The following HSPA12A variants were observed in gnomAD, a reference collection of about 807,000 sequenced individuals.
HSPA12A encodes heat shock 70 kDa protein 12A.
HSPA12A carries 28 observed loss-of-function variants against 69.2 expected under a neutral mutation model. The observed-to-expected ratio is 0.40, with a 90% CI of 0.30 to 0.55. HSPA12A has a LOEUF of 0.55. Ranked by LOEUF, HSPA12A falls within the 20% of genes least tolerant of loss-of-function variation. The pLI is 0.38. For missense variants in HSPA12A, 686 were observed against 900.7 expected, an observed-to-expected ratio of 0.76 and a Z score of 3.05; for synonymous variants, 345 against 370.5, an observed-to-expected ratio of 0.93 and a Z score of 0.79.
At chr10:116,822,408 T>A (rs754197557) in intron 2 of HSPA12A, among the ~76,000 whole-genome samples, 1 of 152,174 alleles carries the variant, frequency 6.6e-6, no homozygotes, top group South Asian at 2.1e-4. Context: ...CTTATGAACA[T>A]ACAGAAAGCA....
intron 2 of HSPA12A, among the ~76,000 whole-genome samples, chr10:116,774,052 C>T (rs1844275528): frequency 6.6e-6 from 1 of 151,842 alleles, no homozygotes; most frequent in Non-Finnish European, 1.5e-5. Flanking sequence ...CTCTGTCCCC[C>T]AGGCTGGAGT....
chr10:116,798,381 C>G (rs934806803), intron 2 of HSPA12A, among the ~76,000 whole-genome samples: 3 of 152,260 alleles, frequency 2.0e-5, no homozygotes, highest in Middle Eastern at 3.4e-3. Flanking sequence ...GACAAGTTGG[C>G]CCCCCTGCTG....
chr10:116,816,813 G>A (rs1169268930), intron 2 of HSPA12A, among the ~76,000 whole-genome samples: 2 of 152,168 alleles, frequency 1.3e-5, no homozygotes, highest in Non-Finnish European at 2.9e-5. Context: ...TTTAAAAGAT[G>A]ACTTTTTATG....
chr10:116,694,139 G>A (rs1412508065), intron 5 of HSPA12A, among the ~76,000 whole-genome samples: 4 of 152,154 alleles, frequency 2.6e-5, no homozygotes, highest in African/African-American at 7.2e-5. Context: ...GTTCCCCAGC[G>A]GGTAGGGAAC....
intron 3 of HSPA12A, among the ~76,000 whole-genome samples, chr10:116,702,012 G>T (rs1234398890): frequency 6.6e-6 from 1 of 152,158 alleles, no homozygotes; most frequent in Non-Finnish European, 1.5e-5. Flanking sequence ...CATAGAAACA[G>T]ATCTCAGCAC....
intron 1 of HSPA12A, among the ~76,000 whole-genome samples, chr10:116,725,858 G>C (rs1554884913): frequency 6.6e-6 from 1 of 151,758 alleles, no homozygotes. Flanking sequence ...TAATATTTTT[G>C]GGAGGAAATC....
chr10:116,753,376 T>C (rs896857482), intron 2 of HSPA12A, among the ~76,000 whole-genome samples: 4 of 152,210 alleles, frequency 2.6e-5, no homozygotes, highest in Admixed American at 6.5e-5. Flanking sequence ...CAGTTATCAC[T>C]ATGATCAGTG....
At chr10:116,707,153 G>GCACACACACACA (rs59728190) in intron 2 of HSPA12A, 47 bp downstream of exon 2, 8 of 583,486 alleles carry the variant, frequency 1.4e-5, no homozygotes, top group African/African-American at 2.5e-5. Flanking sequence ...ACCCATGCGC[G>GCACACACACACA]CACACACACA....
chr10:116,727,302 G>A (rs1242090338), intron 1 of HSPA12A, among the ~76,000 whole-genome samples: 2 of 152,094 alleles, frequency 1.3e-5, no homozygotes, highest in Non-Finnish European at 2.9e-5. Flanking sequence ...GCTCATTCAT[G>A]TCCATGTTCA....
intron 1 of HSPA12A, among the ~76,000 whole-genome samples, chr10:116,840,724 A>C (rs549697276): frequency 1.2e-4 from 18 of 152,342 alleles, no homozygotes; most frequent in African/African-American, 4.3e-4. Context: ...AGCTTAATTC[A>C]GACCGAATTC....
intron 2 of HSPA12A, among the ~76,000 whole-genome samples, chr10:116,802,794 C>T (rs929761053): frequency 3.9e-5 from 6 of 152,246 alleles, no homozygotes; most frequent in African/African-American, 1.4e-4. Flanking sequence ...TCCTTCCCTG[C>T]CCACTGTTGG....
At chr10:116,704,859 C>T (rs1222771604) in intron 3 of HSPA12A, among the ~76,000 whole-genome samples, 2 of 152,158 alleles carry the variant, frequency 1.3e-5, no homozygotes, top group African/African-American at 4.8e-5. Context: ...TACAGATCTG[C>T]GCCTCTCACC....
chr10:116,744,202 G>A (rs186112961), upstream of HSPA12A, among the ~76,000 whole-genome samples: 3 of 152,280 alleles, frequency 2.0e-5, no homozygotes, highest in Admixed American at 1.3e-4. Context: ...TCTTATGCTG[G>A]TATTTCAAAG....
At chr10:116,704,333 C>G (rs1389069515) in intron 3 of HSPA12A, among the ~76,000 whole-genome samples, 1 of 151,774 alleles carries the variant, frequency 6.6e-6, no homozygotes, top group East Asian at 1.9e-4. Context: ...AACTGGAAAC[C>G]ATCATTCTCA....
intron 1 of HSPA12A, among the ~76,000 whole-genome samples, chr10:116,728,369 T>C (rs1554885316): frequency 6.6e-6 from 1 of 152,232 alleles, no homozygotes; most frequent in East Asian, 1.9e-4. Flanking sequence ...AACTCCATCG[T>C]AAGTCAAGGA....
intron 2 of HSPA12A, among the ~76,000 whole-genome samples, chr10:116,789,633 G>A (rs3125620): frequency 0.32 from 48,719 of 152,008 alleles, 8,650 homozygotes; most frequent in Non-Finnish European, 0.4. Context: ...CTGTGCACTT[G>A]TCTGATTATT....
At chr10:116,826,522 T>A (rs981137884) in intron 2 of HSPA12A, among the ~76,000 whole-genome samples, 1 of 152,170 alleles carries the variant, frequency 6.6e-6, no homozygotes, top group Non-Finnish European at 1.5e-5. Flanking sequence ...CCTGCCTGCA[T>A]GGGAACTGAT....
At chr10:116,760,996 C>T (rs1193157364) in intron 2 of HSPA12A, among the ~76,000 whole-genome samples, 1 of 149,988 alleles carries the variant, frequency 6.7e-6, no homozygotes, top group Non-Finnish European at 1.5e-5. Flanking sequence ...GGGAAAAGAA[C>T]TATAATTCTC....
At chr10:116,756,080 T>C (rs1843843455) in intron 2 of HSPA12A, among the ~76,000 whole-genome samples, 1 of 152,200 alleles carries the variant, frequency 6.6e-6, no homozygotes, top group African/African-American at 2.4e-5. Context: ...GAACACCTCC[T>C]AGCCTGTAGA....
Sources: gnomAD v4.1 joint callset for allele counts (sites outside exome capture counted in the v4.1 genomes callset) on GRCh38, gnomAD v4.1.1 for gene constraint, MANE v1.5 for transcripts, NCBI Gene and HGNC (gene_info 2026-07-23, HGNC 2026-07-21) for gene names.